The following PCYT1B variants were observed in gnomAD, a reference collection of about 807,000 sequenced individuals.
The protein encoded by PCYT1B is phosphate cytidylyltransferase 1B, choline, also known as choline-phosphate cytidylyltransferase B.
Under a neutral mutation model 26.4 loss-of-function variants are expected in PCYT1B, and 10 were observed. The ratio of observed to expected loss-of-function variants is 0.38; its 90% confidence interval spans 0.23 to 0.64. The LOEUF (loss-of-function observed/expected upper bound fraction) is 0.64, where lower values mean the gene tolerates loss of function less well. Among genes scored for constraint, PCYT1B ranks in the 30% least tolerant of loss-of-function variants. The pLI is 0.56. For missense variants in PCYT1B, 161 were observed against 292.7 expected (o/e 0.55, Z 3.28); for synonymous variants, 131 against 108.4 (o/e 1.21, Z -1.29).
intron 1 of PCYT1B, among the ~76,000 whole-genome samples, chrX:24,631,985 C>T (rs1436609056): frequency 9.0e-6 from 1 of 110,949 alleles, no homozygotes; most frequent in African/African-American, 3.3e-5. Flanking sequence ...GTGAGTGTGC[C>T]CTGCGATGGG....
intron 1 of PCYT1B, among the ~76,000 whole-genome samples, chrX:24,671,986 A>G (rs982152220): frequency 8.9e-6 from 1 of 111,909 alleles, no homozygotes; most frequent in Non-Finnish European, 1.9e-5. Flanking sequence ...ACATGGTGAA[A>G]CCTTGTCTCT....
At chrX:24,671,416 G>A (rs1231516960) in intron 1 of PCYT1B, among the ~76,000 whole-genome samples, 4 of 111,272 alleles carry the variant, frequency 3.6e-5, no homozygotes, top group Admixed American at 9.6e-5. Flanking sequence ...AAACTCATGA[G>A]TCTTCAATAT....
chrX:24,672,582 T>C (rs1362257216), exon 1 of PCYT1B: 10 of 1,203,532 alleles, frequency 8.3e-6, no homozygotes, highest in Non-Finnish European at 1.1e-5. Flanking sequence ...TGCGCCACAA[T>C]TGGGGAGCGC....
chrX:24,582,984 T>A (rs748156100), intron 5 of PCYT1B, among the ~76,000 whole-genome samples: 1 of 111,838 alleles, frequency 8.9e-6, no homozygotes, highest in Non-Finnish European at 1.9e-5. Flanking sequence ...ATAGGAAAAG[T>A]TACATCGAGT....
chrX:24,656,162 G>T (rs1169689427), intron 1 of PCYT1B, among the ~76,000 whole-genome samples: 1 of 77,337 alleles, frequency 1.3e-5, no homozygotes, highest in Non-Finnish European at 2.5e-5. Context: ...AAGCCCATTA[G>T]GGGAAAAAAA....
At chrX:24,668,304 C>A (rs1470190692) in intron 1 of PCYT1B, among the ~76,000 whole-genome samples, 1 of 111,766 alleles carries the variant, frequency 8.9e-6, no homozygotes, top group African/African-American at 3.3e-5. Context: ...TCCCCCTCCC[C>A]GCAAGTGAAT....
rs934476283 is a variant in PCYT1B, at chrX:24,560,368, T to C, written c.*1925A>G. On this transcript the variant is annotated 3_prime_UTR_variant, in exon 8 of 8. Coordinates refer to ENST00000379144, the MANE Select transcript of PCYT1B (RefSeq NM_004845.5). ...AACTCAAATGGTAGGCAGACTTGCA[T>C]GGCTTGACCTGAGTGCATGATGGAA... 9.8e-5 allele frequency: 11 copies of C among 112,020 alleles called. No individual in the cohort carries two copies. The highest frequency in any genetic ancestry group is 3.6e-4 in the African/African-American group (11 of 30,833). 9.2% of individuals were successfully genotyped at this position (112,020 alleles called of 1,213,427 possible). A position where few individuals can be genotyped will look rare whatever the true frequency, so the allele number is the denominator to read the frequency against.
chrX:24,563,655 G>A (rs1161827681), intron 7 of PCYT1B, among the ~76,000 whole-genome samples: 1 of 111,577 alleles, frequency 9.0e-6, no homozygotes, highest in African/African-American at 3.3e-5. Flanking sequence ...GCAGTATGGA[G>A]CGAGCTGGTG....
intron 5 of PCYT1B, among the ~76,000 whole-genome samples, chrX:24,584,258 G>A (rs1193658339): frequency 4.5e-5 from 5 of 111,953 alleles, no homozygotes; most frequent in Non-Finnish European, 7.5e-5. Flanking sequence ...GAGCCCAGGA[G>A]GTCGAGGTTG....
intron 2 of PCYT1B, among the ~76,000 whole-genome samples, chrX:24,618,502 T>G (rs1925590514): frequency 8.9e-6 from 1 of 111,879 alleles, no homozygotes; most frequent in Admixed American, 9.6e-5. Flanking sequence ...CTCCTTTGGT[T>G]GGTCTGGTTT....
chrX:24,631,368 G>A (rs2148263596), intron 1 of PCYT1B, among the ~76,000 whole-genome samples: 1 of 111,592 alleles, frequency 9.0e-6, no homozygotes, highest in Non-Finnish European at 1.9e-5. Flanking sequence ...CTCCCTGATG[G>A]TTGGATCCAA....
intron 1 of PCYT1B, among the ~76,000 whole-genome samples, chrX:24,622,788 C>T (rs749022883): frequency 2.7e-5 from 3 of 111,784 alleles, no homozygotes; most frequent in Non-Finnish European, 5.6e-5. Context: ...TTTTTGGCTC[C>T]CTGTGAGCTG....
intron 1 of PCYT1B, among the ~76,000 whole-genome samples, chrX:24,668,375 A>G (rs1384882602): frequency 1.8e-5 from 2 of 112,213 alleles, no homozygotes; most frequent in Non-Finnish European, 3.8e-5. Context: ...AAGACTTGGC[A>G]GCAAAGACTG....
chrX:24,606,137 G>A (rs1925128593), intron 3 of PCYT1B, among the ~76,000 whole-genome samples: 1 of 109,920 alleles, frequency 9.1e-6, no homozygotes, highest in Non-Finnish European at 1.9e-5. Context: ...GACCTAGAGA[G>A]CTGCTGATAT....
intron 1 of PCYT1B, among the ~76,000 whole-genome samples, chrX:24,630,292 G>T (rs1926027017): frequency 9.0e-6 from 1 of 111,277 alleles, no homozygotes. Context: ...GATGTTTTTT[G>T]TTTGTTTGTT....
chrX:24,653,840 T>C (rs968475925), intron 1 of PCYT1B, among the ~76,000 whole-genome samples: 1 of 108,956 alleles, frequency 9.2e-6, no homozygotes, highest in African/African-American at 3.4e-5. Flanking sequence ...CTGCAACTTC[T>C]GCCTCCTGGT....
At chrX:24,583,087 C>G (rs1924256311) in intron 5 of PCYT1B, among the ~76,000 whole-genome samples, 1 of 112,385 alleles carries the variant, frequency 8.9e-6, no homozygotes, top group Non-Finnish European at 1.9e-5. Context: ...CAATTCCCTT[C>G]CCCTGGAATC....
At chrX:24,573,640 T>C (rs994129430) in intron 7 of PCYT1B, among the ~76,000 whole-genome samples, 17 of 111,455 alleles carry the variant, frequency 1.5e-4, no homozygotes, top group Middle Eastern at 4.6e-3. Flanking sequence ...AAATACACAC[T>C]AGATTAAATA....
rs754315852 is a variant in PCYT1B, at chrX:24,618,979, C to A, written c.217+6G>T. ...GCCCATTTAAGACAAAGAAGTACAG[C>A]CTCACCTGGTGTTCCTAAGCGGGCC... On this transcript the variant is annotated splice_donor_region_variant and intron_variant, in intron 2 of 7. Transcript: ENST00000379144. 6.4e-6 allele frequency: 7 copies of A among 1,097,731 alleles called. No individual in the cohort carries two copies. The Admixed American group carries it at 1.9e-4, about 30-fold the overall frequency. The allele number at this position is 1,097,731 out of a possible 1,213,427, so 90.5% of individuals were successfully genotyped here. A position where few individuals can be genotyped will look rare whatever the true frequency, so the allele number is the denominator to read the frequency against.
Sources: allele counts gnomAD v4.1 joint callset (sites outside exome capture counted in the v4.1 genomes callset), GRCh38; gene constraint gnomAD v4.1.1; transcripts MANE v1.5; gene names NCBI Gene and HGNC (gene_info 2026-07-23, HGNC 2026-07-21).